The following IL17RE variants were observed in gnomAD, a reference collection of about 807,000 sequenced individuals.
The protein encoded by IL17RE is interleukin-17 receptor E.
Under a neutral mutation model 70.7 loss-of-function variants are expected in IL17RE, and 47 were observed. The ratio of observed to expected loss-of-function variants is 0.67; its 90% CI spans 0.53 to 0.85. The LOEUF is 0.85. Among genes scored for constraint, IL17RE ranks in the 40% least tolerant of loss-of-function variants. IL17RE has a pLI of 0.00. For synonymous variants in IL17RE, 372 were observed against 381.2 expected (o/e 0.98, Z 0.28); for missense variants, 850 against 893.9 (o/e 0.95, Z 0.63).
In IL17RE at chr3:9,915,541, C is replaced by T. The variant is rs746544301; in HGVS notation, c.1738C>T (p.Leu580=). Residue 580 remains leucine, a synonymous_variant, in exon 16 of 16, where the codon CTG becomes TTG. Coordinates refer to ENST00000383814, the MANE Select transcript of IL17RE (RefSeq NM_153480.2). The surrounding 1 kb of genome is among the most constrained non-coding windows in gnomAD (Gnocchi z 4.9). ...PDPRAAPLLA[L]LHAAPRPLLL... The stretch of plus-strand genomic sequence containing the variant: ...CCCCCGCGCCGCGCCCCTGCTCGCC[C>T]TGCTCCACGCTGCCCCGCGCCCGCT... 10 of 1,372,882 alleles carry T rather than the reference C, an allele frequency of 7.3e-6. No individual in the cohort carries two copies. The South Asian group carries it at 1.7e-4, about 23-fold the overall frequency. 85.0% of individuals were successfully genotyped at this position (1,372,882 alleles called of 1,614,324 possible).
At chr3:9,905,548 T>A (rs1195079618) in intron 3 of IL17RE, among the ~76,000 whole-genome samples, 2 of 151,558 alleles carry the variant, frequency 1.3e-5, no homozygotes, top group South Asian at 2.1e-4. Context: ...GGGACTGGCG[T>A]GGTGGCTCAC....
chr3:9,904,533 C>T (rs907439858), intron 3 of IL17RE, among the ~76,000 whole-genome samples: 4 of 152,110 alleles, frequency 2.6e-5, no homozygotes, highest in African/African-American at 9.7e-5. Flanking sequence ...GCCTGTAATC[C>T]CAACACTTTG....
Position 9,908,622 on chromosome 3 carries a change from C to T in IL17RE, c.735+315C>T, listed in dbSNP as rs987920480. On this transcript the variant is annotated intron_variant, in intron 7 of 15. Coordinates refer to ENST00000383814, the MANE Select transcript of IL17RE (RefSeq NM_153480.2). ...GTCATTGCTGTGTGTTCTGAGGAGT[C>T]GAGGAAGGAGTGTGTGCATGGCCAC... Among the ~76,000 whole-genome samples the T allele has an allele frequency of 8.5e-5, 13 of 152,286 alleles. No homozygotes were observed. In the East Asian group the frequency reaches 2.1e-3, roughly 25 times the overall value.
intron 12 of IL17RE, among the ~76,000 whole-genome samples, chr3:9,912,104 C>T (rs2082908190): frequency 6.6e-6 from 1 of 152,128 alleles, no homozygotes; most frequent in African/African-American, 2.4e-5. Flanking sequence ...CCTGTCAGTC[C>T]AGTGGCTGCA....
chr3:9,903,719 A>C (rs949090774), intron 2 of IL17RE, among the ~76,000 whole-genome samples: 2 of 152,198 alleles, frequency 1.3e-5, no homozygotes, highest in Non-Finnish European at 2.9e-5. Flanking sequence ...GAGAAACATG[A>C]GTAAATCTCC....
intron 15 of IL17RE, 32 bp downstream of exon 15, chr3:9,914,809 G>A (rs2082976322): frequency 1.9e-6 from 3 of 1,569,380 alleles, no homozygotes; most frequent in Non-Finnish European, 2.6e-6. Context: ...TGGGAAGTCA[G>A]ACCTGCCCAG....
chr3:9,904,680 A>T (rs944603727), intron 3 of IL17RE, among the ~76,000 whole-genome samples: 1 of 152,212 alleles, frequency 6.6e-6, no homozygotes, highest in Non-Finnish European at 1.5e-5. Context: ...CCAGCTGCTC[A>T]GGAGGCTGAG....
In IL17RE at chr3:9,915,553, G is replaced by A. The variant is rs2083026453; in HGVS notation, c.1750G>A (p.Ala584Thr). 2 of 1,404,932 alleles carry A rather than the reference G, an allele frequency of 1.4e-6. No homozygotes were observed. The highest frequency in any genetic ancestry group is 1.8e-6 in the Non-Finnish European group (2 of 1,082,002). The allele number at this position is 1,404,932 out of a possible 1,614,324, so 87.0% of individuals were successfully genotyped here. A position where few individuals can be genotyped will look rare whatever the true frequency, so the allele number is the denominator to read the frequency against. ...AAPLLALLHA[A>T]PRPLLLLAYF... Reference sequence around the variant, plus strand: ...GCCCCTGCTCGCCCTGCTCCACGCTGCCCCGCGCCCGCTGCTGCTGCTCGC... The same window carrying A: ...GCCCCTGCTCGCCCTGCTCCACGCTACCCCGCGCCCGCTGCTGCTGCTCGC... Residue 584 changes from alanine to threonine, a missense_variant, in exon 16 of 16, where the codon GCC (alanine) becomes ACC (threonine). Ala to Thr is a moderately conservative substitution (Grantham distance 58). Transcript: ENST00000383814. This position sits in a 1 kb window ranked among gnomAD's most constrained non-coding sequence, Gnocchi z 4.9.
chr3:9,904,242 T>G (rs2082701405), intron 3 of IL17RE, 91 bp downstream of exon 3: 14 of 1,467,816 alleles, frequency 9.5e-6, no homozygotes, highest in Non-Finnish European at 1.3e-5. Flanking sequence ...CTAGAACAGA[T>G]ATTTGTCTTG....
chr3:9,908,856 G>T (rs2082820808), intron 7 of IL17RE, among the ~76,000 whole-genome samples: 1 of 152,216 alleles, frequency 6.6e-6, no homozygotes, highest in African/African-American at 2.4e-5. Context: ...CAGCAGGTGG[G>T]CATGTGGGCA....
chr3:9,904,795 A>C (rs904659310), intron 3 of IL17RE, among the ~76,000 whole-genome samples: 1 of 151,982 alleles, frequency 6.6e-6, no homozygotes, highest in African/African-American at 2.4e-5. Flanking sequence ...CTCCAAAAAA[A>C]GAATTGGCAG....
chr3:9,909,377 C>A, intron 8 of IL17RE, 94 bp downstream of exon 8: 2 of 1,042,738 alleles, frequency 1.9e-6, no homozygotes, highest in Non-Finnish European at 2.9e-6. Context: ...ACACACACCC[C>A]GCACTTCACA....
rs549044138 is a variant in IL17RE at position 9,906,227 on chromosome 3, C to T, written c.269-137C>T. On this transcript the variant is annotated intron_variant, in intron 3 of 15. Coordinates refer to ENST00000383814, the MANE Select transcript of IL17RE (RefSeq NM_153480.2). ...TCGCGCCATTGCTCTCCAGCCTGGG[C>T]AACAAAGAGCAAAACTCCATATCAA... 8.6e-5 allele frequency: 31 copies of T among 359,916 alleles called. 1 individual carries two copies. Among genetic ancestry groups the T allele is most frequent in the African/African-American group, 6.2e-4 (29 of 46,672 alleles). 22.3% of individuals were successfully genotyped at this position (359,916 alleles called of 1,614,324 possible). A position where few individuals can be genotyped will look rare whatever the true frequency, so the allele number is the denominator to read the frequency against.
At chr3:9,911,768 A>C (rs1401454012) in intron 12 of IL17RE, 171 bp downstream of exon 12, 6 of 577,502 alleles carry the variant, frequency 1.0e-5, no homozygotes, top group Middle Eastern at 4.6e-4. Context: ...TGCTGACAGT[A>C]GGTTCCTCAA....
Position 9,911,007 on chromosome 3 carries a change from C to G in IL17RE, c.945C>G (p.Asp315Glu), listed in dbSNP as rs757251709. Residue 315 changes from aspartate to glutamate, a missense_variant, in exon 9 of 16, where the codon GAC becomes GAG. Transcript: ENST00000383814. ...ACGACTGGCATACCCTTTGCAAAGACCTCCCGAATGCCACAGCTCGAGAGT... is the reference window on the plus strand; with the variant it reads ...ACGACTGGCATACCCTTTGCAAAGAGCTCCCGAATGCCACAGCTCGAGAGT... Reference protein sequence around the residue: ...QRHDWHTLCKDLPNATARESD... With the variant: ...QRHDWHTLCKELPNATARESD... The G allele has an allele frequency of 6.8e-6, 11 of 1,614,188 alleles. No individual in the cohort carries two copies. The highest frequency in any genetic ancestry group is 6.8e-6 in the Non-Finnish European group (8 of 1,180,034).
chr3:9,902,560 G>A, upstream of IL17RE: 1 of 1,428,914 alleles, frequency 7.0e-7, no homozygotes. Context: ...GTTCCAGAGT[G>A]TGCTGATGGG....
At chr3:9,906,940 C>G in intron 5 of IL17RE, 21 bp from the exon 6 acceptor site, 1 of 1,614,198 alleles carries the variant, frequency 6.2e-7, no homozygotes, top group African/African-American at 1.3e-5. Context: ...GACAAGGCCA[C>G]TGAGTCCTTC....
At chr3:9,912,757 TGTA>T (rs1422721541) in intron 12 of IL17RE, among the ~76,000 whole-genome samples, 1 of 152,206 alleles carries the variant, frequency 6.6e-6, no homozygotes. Context: ...GTCTCACACT[TGTA>T]GTCCCAGCTG....
Position 9,907,037 on chromosome 3 carries a change from C to A in IL17RE, c.603C>A (p.Ser201Arg), listed in dbSNP as rs80297306. Residue 201 changes from serine to arginine, a missense_variant, in exon 6 of 16, where the codon AGC becomes AGA. Coordinates refer to ENST00000383814, the MANE Select transcript of IL17RE (RefSeq NM_153480.2). ...CCATATCTTCAGGCCCTGAGGTCAGCGTGCGTCTTTGTCACCAGTGGGCAC... is the reference window on the plus strand; with the variant it reads ...CCATATCTTCAGGCCCTGAGGTCAGAGTGCGTCTTTGTCACCAGTGGGCAC... ...RVTISSGPEV[S>R]VRLCHQWALE... The A allele has an allele frequency of 6.2e-7, 1 of 1,614,138 alleles. No individual in the cohort carries two copies. Among genetic ancestry groups the A allele is most frequent in the South Asian group, 1.1e-5 (1 of 91,076 alleles).
Sources: allele counts gnomAD v4.1 joint callset (sites outside exome capture counted in the v4.1 genomes callset), GRCh38; gene constraint gnomAD v4.1.1; non-coding constraint Gnocchi (gnomAD v3.1); transcripts MANE v1.5; gene names NCBI Gene and HGNC (gene_info 2026-07-23, HGNC 2026-07-21).